Variants in SOX5 observed in about 807,000 individuals in gnomAD.
The protein encoded by SOX5 is SRY-box transcription factor 5.
Under a neutral mutation model 92.0 loss-of-function variants are expected in SOX5, and 9 were observed. The ratio of observed to expected loss-of-function variants is 0.10; its 90% CI spans 0.06 to 0.17. SOX5 has a LOEUF of 0.17. Among genes scored for constraint, SOX5 ranks in the 10% least tolerant of loss-of-function variants. The pLI, the probability that SOX5 is intolerant of heterozygous loss-of-function variation, is 1.00. For missense variants in SOX5, 642 were observed against 944.5 expected, an observed-to-expected ratio of 0.68 and a Z score of 4.20; for synonymous variants, 344 against 336.3, an observed-to-expected ratio of 1.02 and a Z score of -0.25.
intron 3 of SOX5, among the ~76,000 whole-genome samples, chr12:23,832,211 G>A (rs1045567263): frequency 6.6e-6 from 1 of 151,760 alleles, no homozygotes; most frequent in Non-Finnish European, 1.5e-5. Flanking sequence ...CTGGTCACAA[G>A]TTTCAATTTA....
At chr12:23,768,473 G>C (rs970719288) in intron 3 of SOX5, among the ~76,000 whole-genome samples, 1 of 152,078 alleles carries the variant, frequency 6.6e-6, no homozygotes, top group African/African-American at 2.4e-5. Flanking sequence ...GAATATGAAA[G>C]CTTCAAAAAA....
intron 4 of SOX5, among the ~76,000 whole-genome samples, chr12:23,977,653 C>T (rs946618482): frequency 1.8e-4 from 20 of 112,878 alleles, no homozygotes; most frequent in African/African-American, 5.4e-4. Flanking sequence ...TCGAGAGTCT[C>T]GTTCTGTCTC....
intron 4 of SOX5, among the ~76,000 whole-genome samples, chr12:24,137,399 G>A (rs537910827): frequency 1.3e-5 from 2 of 152,206 alleles, no homozygotes; most frequent in South Asian, 2.1e-4. Context: ...TTGGGAGGCC[G>A]AGGCGTGCGG....
chr12:24,515,082 G>T (rs931024241), intron 1 of SOX5, among the ~76,000 whole-genome samples: 18 of 152,168 alleles, frequency 1.2e-4, no homozygotes, highest in Admixed American at 3.3e-4. Context: ...TTAAAGATAT[G>T]AAGATAATGC....
intron 2 of SOX5, among the ~76,000 whole-genome samples, chr12:23,876,076 T>C (rs1461997040): frequency 6.6e-6 from 1 of 152,162 alleles, no homozygotes; most frequent in Non-Finnish European, 1.5e-5. Context: ...GATGCTAATA[T>C]ACATTTCTTG....
chr12:24,119,901 T>C (rs1304994085), intron 4 of SOX5, among the ~76,000 whole-genome samples: 15 of 152,198 alleles, frequency 9.9e-5, no homozygotes, highest in Non-Finnish European at 1.8e-4. Context: ...ATTATTGTAC[T>C]TTGTAAATGG....
rs553976321 is a variant in SOX5, at chr12:24,209,635, AG to A, written c.-2+3707del. 1.2e-4 allele frequency among the ~76,000 whole-genome samples: 18 copies of A among 152,316 alleles called. No individual in the cohort carries two copies. The East Asian group carries it at 1.7e-3, about 15-fold the overall frequency. On this transcript the variant is annotated intron_variant, in intron 4 of 4. Transcript: ENST00000446891. ...TTGGCAATTGAAAACTGCTGCCACA[AG>A]ATTGCTAGTAGAAGGCACTCCCCAC...
chr12:24,215,793 C>T (rs927953178), intron 3 of SOX5, among the ~76,000 whole-genome samples: 2 of 150,034 alleles, frequency 1.3e-5, no homozygotes, highest in African/African-American at 2.5e-5. Context: ...ATAGCTACAT[C>T]GATCCTGAAA....
intron 1 of SOX5, among the ~76,000 whole-genome samples, chr12:24,527,669 C>A (rs1451577330): frequency 6.6e-6 from 1 of 152,232 alleles, no homozygotes; most frequent in East Asian, 1.9e-4. Context: ...AAAATAGTTG[C>A]TATTTCCTGA....
intron 3 of SOX5, among the ~76,000 whole-genome samples, chr12:23,783,775 C>T (rs574697223): frequency 1.8e-4 from 27 of 152,202 alleles, no homozygotes; most frequent in African/African-American, 6.5e-4. Context: ...GTTTAATTGA[C>T]ATGGAACTGA....
intron 6 of SOX5, among the ~76,000 whole-genome samples, chr12:23,682,485 C>T (rs1014845569): frequency 1.3e-5 from 2 of 151,678 alleles, no homozygotes; most frequent in Admixed American, 6.6e-5. Context: ...ATTAAAATTG[C>T]TGTGTTTGTT....
At chr12:24,168,619 T>C (rs1267938896) in intron 4 of SOX5, among the ~76,000 whole-genome samples, 2 of 152,100 alleles carry the variant, frequency 1.3e-5, no homozygotes, top group Non-Finnish European at 2.9e-5. Flanking sequence ...ATCAATAAAA[T>C]GAGCAAGAAA....
At chr12:23,555,376 C>G (rs1944978742) in intron 11 of SOX5, among the ~76,000 whole-genome samples, 1 of 151,986 alleles carries the variant, frequency 6.6e-6, no homozygotes, top group Non-Finnish European at 1.5e-5. Context: ...ATTGGACCAT[C>G]CTACACTAAC....
chr12:23,949,703 C>A (rs892114006), upstream of SOX5: 120 of 1,589,616 alleles, frequency 7.5e-5, no homozygotes, highest in Non-Finnish European at 9.9e-5. Context: ...TTGATTTTCT[C>A]TCTGTCTCTT....
At chr12:23,702,528 T>C (rs985030874) in intron 6 of SOX5, among the ~76,000 whole-genome samples, 5 of 152,058 alleles carry the variant, frequency 3.3e-5, no homozygotes, top group Non-Finnish European at 7.4e-5. Flanking sequence ...AAATATTAAC[T>C]CCTGCTGATA....
intron 1 of SOX5, among the ~76,000 whole-genome samples, chr12:24,538,812 C>G (rs1951871852): frequency 6.6e-6 from 1 of 152,100 alleles, no homozygotes; most frequent in Non-Finnish European, 1.5e-5. Context: ...GTTAGCAGTA[C>G]TATGACATAT....
intron 9 of SOX5, among the ~76,000 whole-genome samples, chr12:23,582,869 C>A (rs1417011026): frequency 6.6e-6 from 1 of 151,974 alleles, no homozygotes; most frequent in Non-Finnish European, 1.5e-5. Context: ...ATTTAATTTG[C>A]TGGCCCTTAA....
intron 2 of SOX5, among the ~76,000 whole-genome samples, chr12:24,294,277 T>C (rs1946949014): frequency 1.3e-5 from 2 of 151,604 alleles, no homozygotes; most frequent in South Asian, 2.1e-4. Context: ...CAGTAACTCA[T>C]GGGTTTTTTT....
chr12:23,539,805 T>C (rs541023982), intron 13 of SOX5, among the ~76,000 whole-genome samples: 1 of 152,238 alleles, frequency 6.6e-6, no homozygotes, highest in East Asian at 1.9e-4. Flanking sequence ...CATATAATAA[T>C]TCCAAGTCTT....
Sources: allele counts gnomAD v4.1 joint callset (sites outside exome capture counted in the v4.1 genomes callset), GRCh38; gene constraint gnomAD v4.1.1; transcripts MANE v1.5; gene names NCBI Gene and HGNC (gene_info 2026-07-23, HGNC 2026-07-21).